Variants in AK9 observed in about 807,000 individuals in gnomAD.
AK9 encodes adenylate kinase domain containing 1.
A neutral mutation model predicts 239.6 loss-of-function variants in AK9; 191 were observed. The observed-to-expected ratio is 0.80, with a 90% confidence interval of 0.71 to 0.90. The LOEUF (loss-of-function observed/expected upper bound fraction) is 0.90, where lower values mean the gene tolerates loss of function less well. AK9 is among the 40% of genes least tolerant of loss of function. The pLI is 0.00. For missense variants in AK9, 1,995 were observed against 2,214.7 expected (o/e 0.90, Z 1.99); for synonymous variants, 689 against 721.0 (o/e 0.96, Z 0.71).
chr6:109,599,251 A>T (rs1791550755), intron 17 of AK9, among the ~76,000 whole-genome samples: 1 of 152,158 alleles, frequency 6.6e-6, no homozygotes, highest in Non-Finnish European at 1.5e-5. Context: ...TAATTTTTGT[A>T]TAAGGTGTAA....
At chr6:109,562,194 T>C (rs958161670) in intron 24 of AK9, among the ~76,000 whole-genome samples, 16 of 152,346 alleles carry the variant, frequency 1.1e-4, no homozygotes, top group Non-Finnish European at 2.2e-4. Flanking sequence ...CACAGATCAC[T>C]GATGCTCTTC....
At chr6:109,495,121 T>G (rs1263783047) in intron 39 of AK9, among the ~76,000 whole-genome samples, 1 of 152,236 alleles carries the variant, frequency 6.6e-6, no homozygotes, top group East Asian at 1.9e-4. Context: ...TCTCTTCACT[T>G]TAGTGCAGAT....
intron 5 of AK9, among the ~76,000 whole-genome samples, chr6:109,669,398 T>C (rs556682003): frequency 1.2e-4 from 18 of 152,164 alleles, no homozygotes; most frequent in African/African-American, 3.6e-4. Flanking sequence ...CCTGCCTGAC[T>C]GCCCTGGCCA....
chr6:109,564,166 C>T lies in AK9; in HGVS notation c.2549G>A (p.Ser850Asn), dbSNP rs1025298490. The T allele has an allele frequency of 1.9e-6, 3 of 1,551,290 alleles. No homozygotes were observed. The highest frequency in any genetic ancestry group is 2.0e-5 in the Admixed American group (1 of 50,974). The change falls in exon 23 of 41, where the codon AGT becomes AAT. Residue 850 changes from serine to asparagine, a missense_variant. Physicochemically the swap from Ser to Asn is conservative, Grantham distance 46 (BLOSUM62 1). This residue lies in a region of AK9 where 1,290 missense variants were observed against 1,392.7 expected (regional missense o/e 0.93). Coordinates refer to ENST00000424296, the MANE Select transcript of AK9 (RefSeq NM_001145128.3). ...GTTTAAAATTTTAATGTAAGCCTCA[C>T]TAATTGTTGCTTCTAGCTGTTTCCA... Reference protein sequence around the residue: ...ILWKQLEATISEAYIKILNLE... With the variant: ...ILWKQLEATINEAYIKILNLE...
At chr6:109,643,743 C>T (rs556306767) in intron 9 of AK9, among the ~76,000 whole-genome samples, 66 of 152,138 alleles carry the variant, frequency 4.3e-4, no homozygotes, top group Non-Finnish European at 8.4e-4. Flanking sequence ...CCCCTCCAGC[C>T]CCATCCTCCT....
At chr6:109,541,416 T>G (rs1035464906) in intron 27 of AK9, among the ~76,000 whole-genome samples, 2 of 152,214 alleles carry the variant, frequency 1.3e-5, no homozygotes, top group Non-Finnish European at 2.9e-5. Flanking sequence ...TTATAATAAT[T>G]TTTTTGTTTT....
At chr6:109,649,914 C>A (rs1257635119) in intron 8 of AK9, among the ~76,000 whole-genome samples, 4 of 151,658 alleles carry the variant, frequency 2.6e-5, no homozygotes, top group Non-Finnish European at 1.5e-5. Context: ...AGAACAGAGG[C>A]CTCAGAAATA....
chr6:109,548,840 T>C (rs1783939295), intron 25 of AK9, among the ~76,000 whole-genome samples: 1 of 152,210 alleles, frequency 6.6e-6, no homozygotes. Flanking sequence ...AGATGAAACA[T>C]GGCTTTATCA....
chr6:109,593,915 A>G (rs1790637666), intron 17 of AK9, among the ~76,000 whole-genome samples: 1 of 152,244 alleles, frequency 6.6e-6, no homozygotes, highest in Non-Finnish European at 1.5e-5. Context: ...ATCATACCAA[A>G]TGGGCAAAAG....
chr6:109,601,076 G>T (rs556801433), intron 17 of AK9, among the ~76,000 whole-genome samples: 1 of 151,934 alleles, frequency 6.6e-6, no homozygotes, highest in South Asian at 2.1e-4. Context: ...CTCTATCTCC[G>T]TCAGTTCTGC....
chr6:109,494,090 A>G lies in AK9; in HGVS notation c.5424T>C (p.Ile1808=), dbSNP rs1035178083. The G allele has an allele frequency of 6.2e-7, 1 of 1,611,618 alleles. No individual in the cohort carries two copies. The highest frequency in any genetic ancestry group is 1.7e-5 in the Admixed American group (1 of 59,974). ...LPLPGYLEQG[I]ATSLIKAMNA... is the part of the protein sequence containing the mutation. Reference sequence around the variant, plus strand: ...TCATTGCTTTAATTAGAGAAGTTGCAATACCCTGCAGGGAGGGAACAATTC... The same window carrying G: ...TCATTGCTTTAATTAGAGAAGTTGCGATACCCTGCAGGGAGGGAACAATTC... Residue 1808 remains isoleucine, a synonymous_variant, in exon 40 of 41, where the codon ATT becomes ATC. Coordinates refer to ENST00000424296, the MANE Select transcript of AK9 (RefSeq NM_001145128.3).
intron 31 of AK9, 70 bp from the exon 32 acceptor site, chr6:109,514,507 G>GA: frequency 2.3e-6 from 3 of 1,301,180 alleles, no homozygotes; most frequent in South Asian, 1.6e-5. Context: ...AAACATATTT[G>GA]AAAAAAACAA....
intron 5 of AK9, among the ~76,000 whole-genome samples, chr6:109,668,496 G>A (rs1243679187): frequency 1.3e-5 from 2 of 151,052 alleles, no homozygotes; most frequent in African/African-American, 2.4e-5. Flanking sequence ...GAATGGTATT[G>A]CCTAGGTTTT....
rs1371777854 is a variant in AK9 at position 109,506,473 on chromosome 6, TC to T, written c.4702del (p.Glu1568ArgfsTer15). ...CTGTTCTTGATAATATTGCCTAATC[TC>T]ACCAATATTTTTGCGATACTTTACA... ...NNVKYRKNIG[E>X]IRQYYQEQHQ... On this transcript the variant is annotated frameshift_variant, in exon 35 of 41. Transcript: ENST00000424296. LOFTEE classifies it high-confidence loss of function. 6.2e-7 allele frequency: 1 copy of T among 1,613,606 alleles called. No homozygotes were observed.
At chr6:109,597,771 T>A (rs1791256092) in intron 17 of AK9, among the ~76,000 whole-genome samples, 1 of 152,086 alleles carries the variant, frequency 6.6e-6, no homozygotes, top group African/African-American at 2.4e-5. Context: ...GAGGCAAGTT[T>A]CAGGGCAGAA....
At chr6:109,509,122 G>A (rs1319479259) in intron 33 of AK9, 57 bp downstream of exon 33, 2 of 1,473,972 alleles carry the variant, frequency 1.4e-6, no homozygotes, top group African/African-American at 1.4e-5. Flanking sequence ...TCACGAGCGA[G>A]CAGTTTCTTG....
chr6:109,662,716 G>A (rs2128319772), intron 5 of AK9, 53 bp from the exon 6 acceptor site: 1 of 908,126 alleles, frequency 1.1e-6, no homozygotes, highest in African/African-American at 1.8e-5. Context: ...AACATATGAG[G>A]GCATGGATTT....
intron 17 of AK9, among the ~76,000 whole-genome samples, chr6:109,599,902 T>C (rs182797707): frequency 2.9e-4 from 44 of 152,352 alleles, no homozygotes; most frequent in Admixed American, 1.2e-3. Context: ...ATAAGAATGC[T>C]TGCGATTTTT....
chr6:109,590,911 A>AT (rs998570516), intron 17 of AK9, among the ~76,000 whole-genome samples: 1 of 152,130 alleles, frequency 6.6e-6, no homozygotes, highest in African/African-American at 2.4e-5. Context: ...AATTTTTAAA[A>AT]TTTTTTTGAG....
Sources: gnomAD v4.1 joint callset for allele counts (sites outside exome capture counted in the v4.1 genomes callset) on GRCh38, gnomAD v4.1.1 for gene constraint, gnomAD v4.1.1 regional missense constraint, MANE v1.5 for transcripts, NCBI Gene and HGNC (gene_info 2026-07-23, HGNC 2026-07-21) for gene names.